The following BBS5 variants were observed in gnomAD, a reference collection of about 807,000 sequenced individuals.
BBS5 encodes the protein BBSome complex member BBS5.
BBS5 carries 39 observed loss-of-function variants against 50.2 expected under a neutral mutation model. That is an observed-to-expected ratio of 0.78 (90% CI 0.60 to 1.01). The LOEUF (loss-of-function observed/expected upper bound fraction) is 1.01, where lower values mean the gene tolerates loss of function less well. BBS5 is among the 50% of genes least tolerant of loss of function. BBS5 has a pLI of 0.00. For synonymous variants in BBS5, 134 were observed against 133.1 expected (o/e 1.01, Z -0.05); for missense variants, 356 against 401.5 (o/e 0.89, Z 0.97).
rs755594935 is a variant in BBS5 at position 169,503,165 on chromosome 2, C to T, written c.887C>T (p.Thr296Met). The change falls in exon 10 of 12, where the codon ACG (threonine) becomes ATG (methionine). Residue 296 changes from threonine (T) to methionine (M), a missense_variant. Physicochemically the swap from Thr to Met is moderately conservative, Grantham distance 81 (BLOSUM62 -1). Transcript: ENST00000295240. ...DDVEIDSDGH[T>M]DAFVAYFADG... ...GTAGAAATAGACTCTGATGGTCACA[C>T]GGATGCTTTTGTGGTGAGCATCACA... The T allele has an allele frequency of 6.2e-6, 10 of 1,612,526 alleles. No homozygotes were observed. The highest frequency in any genetic ancestry group is 5.5e-5 in the South Asian group (5 of 91,000).
At chr2:169,484,823 A>G (rs948302276) in intron 2 of BBS5, among the ~76,000 whole-genome samples, 3 of 152,214 alleles carry the variant, frequency 2.0e-5, no homozygotes, top group Non-Finnish European at 4.4e-5. Flanking sequence ...TATATTAAAT[A>G]GCTGTGTGAG....
At chr2:169,481,409 G>A (rs1008330867) in intron 1 of BBS5, among the ~76,000 whole-genome samples, 1 of 152,184 alleles carries the variant, frequency 6.6e-6, no homozygotes, top group Non-Finnish European at 1.5e-5. Flanking sequence ...TAAAGGCAGG[G>A]TCTGCTGCAG....
intron 1 of BBS5, among the ~76,000 whole-genome samples, 189 bp downstream of exon 1, chr2:169,479,801 C>T (rs1457602810): frequency 2.0e-5 from 3 of 152,220 alleles, no homozygotes; most frequent in Non-Finnish European, 4.4e-5. Flanking sequence ...TCGAGGCCGG[C>T]GCCGCGGCAA....
At chr2:169,491,314 T>C (rs1226760012) in intron 5 of BBS5, among the ~76,000 whole-genome samples, 1 of 152,226 alleles carries the variant, frequency 6.6e-6, no homozygotes, top group East Asian at 1.9e-4. Context: ...AAATAATTTA[T>C]AGCATAAATA....
intron 7 of BBS5, among the ~76,000 whole-genome samples, chr2:169,496,876 A>G (rs1683704305): frequency 6.6e-6 from 1 of 152,208 alleles, no homozygotes; most frequent in Admixed American, 6.5e-5. Context: ...CTCAAAAAAA[A>G]AAAACCTTAA....
At chr2:169,495,209 A>G (rs901333179) in intron 7 of BBS5, among the ~76,000 whole-genome samples, 5 of 152,232 alleles carry the variant, frequency 3.3e-5, no homozygotes, top group Non-Finnish European at 5.9e-5. Flanking sequence ...CAAAAGGAAT[A>G]TAAGAGTTTG....
Position 169,503,136 on chromosome 2 carries a change from T to A in BBS5, c.858T>A (p.Asp286Glu). The A allele has an allele frequency of 1.9e-6, 3 of 1,614,000 alleles. No homozygotes were observed. Among genetic ancestry groups the A allele is most frequent in the Non-Finnish European group, 2.5e-6 (3 of 1,179,924 alleles). The stretch of plus-strand genomic sequence containing the variant: ...CTCTGACAGTCGAACAAATTCAAGA[T>A]GATGTAGAAATAGACTCTGATGGTC... ...LEALTVEQIQ[D>E]DVEIDSDGHT... The change falls in exon 10 of 12, where the codon GAT becomes GAA. Residue 286 changes from aspartate (D) to glutamate (E), a missense_variant. Transcript: ENST00000295240.
chr2:169,484,151 G>A (rs1683449341), intron 2 of BBS5, among the ~76,000 whole-genome samples: 1 of 152,194 alleles, frequency 6.6e-6, no homozygotes, highest in Non-Finnish European at 1.5e-5. Flanking sequence ...GGGAGGCCAA[G>A]GTGGGAGGAC....
intron 6 of BBS5, 69 bp downstream of exon 6, chr2:169,493,078 G>C (rs1683630112): frequency 6.5e-7 from 1 of 1,529,034 alleles, no homozygotes; most frequent in Non-Finnish European, 9.0e-7. Flanking sequence ...TTCATCATTG[G>C]ATTTATATAG....
intron 7 of BBS5, among the ~76,000 whole-genome samples, chr2:169,494,168 T>C (rs1226756683): frequency 6.6e-6 from 1 of 152,178 alleles, no homozygotes; most frequent in Non-Finnish European, 1.5e-5. Flanking sequence ...TTTCTGTAAC[T>C]TTTTCATGAG....
At chr2:169,503,291 T>C in intron 10 of BBS5, 113 bp downstream of exon 10, 1 of 831,118 alleles carries the variant, frequency 1.2e-6, no homozygotes, top group Non-Finnish European at 2.0e-6. Context: ...GATGGTGTCT[T>C]AAACCTGAGT....
intron 8 of BBS5, among the ~76,000 whole-genome samples, chr2:169,498,429 C>T (rs1406448149): frequency 6.6e-6 from 1 of 152,198 alleles, no homozygotes; most frequent in Non-Finnish European, 1.5e-5. Context: ...AGTATTTACT[C>T]TGTTCCAAGA....
chr2:169,491,330 T>C (rs1200448468), intron 5 of BBS5, among the ~76,000 whole-genome samples: 1 of 152,230 alleles, frequency 6.6e-6, no homozygotes, highest in Admixed American at 6.5e-5. Flanking sequence ...AAATAGTTTC[T>C]ATTTCTTCCA....
chr2:169,480,369 C>A (rs2105290578), intron 1 of BBS5, among the ~76,000 whole-genome samples: 1 of 152,220 alleles, frequency 6.6e-6, no homozygotes, highest in South Asian at 2.1e-4. Flanking sequence ...AGCTAAGATT[C>A]CTGGATTAAT....
rs763705177 is a variant in BBS5 at position 169,499,618 on chromosome 2, A to C, written c.814A>C (p.Lys272Gln). 26 of 1,613,800 alleles carry C rather than the reference A, an allele frequency of 1.6e-5. No individual in the cohort carries two copies. Among genetic ancestry groups the C allele is most frequent in the Non-Finnish European group, 2.2e-5 (26 of 1,179,862 alleles). Residue 272 changes from lysine to glutamine, a missense_variant and splice_region_variant, in exon 9 of 12, where the codon AAG becomes CAG. By Grantham distance (53) the Lys-to-Gln change is moderately conservative. Coordinates refer to ENST00000295240, the MANE Select transcript of BBS5 (RefSeq NM_152384.3). Reference protein sequence around the residue: ...IFGVDYEMEEKPQPLEALTVE... With the variant: ...IFGVDYEMEEQPQPLEALTVE... Reference sequence around the variant, plus strand: ...TGGAGTTGATTATGAGATGGAAGAAAAGGTAATTTGTTGAGTATGTGAAAT... The same window carrying C: ...TGGAGTTGATTATGAGATGGAAGAACAGGTAATTTGTTGAGTATGTGAAAT...
In BBS5 at chr2:169,505,003, G is replaced by A; in HGVS notation, c.*421G>A. On this transcript the variant is annotated 3_prime_UTR_variant, in exon 12 of 12. Coordinates refer to ENST00000295240, the MANE Select transcript of BBS5 (RefSeq NM_152384.3). ...CTGATAAAGAACTTCTTCCCAAAATGGCCGAAGCTGGACTGTACTGCTGCC... is the reference window on the plus strand; with the variant it reads ...CTGATAAAGAACTTCTTCCCAAAATAGCCGAAGCTGGACTGTACTGCTGCC... 6.2e-7 allele frequency: 1 copy of A among 1,608,034 alleles called. No homozygotes were observed. The highest frequency in any genetic ancestry group is 8.5e-7 in the Non-Finnish European group (1 of 1,177,482).
Position 169,487,743 on chromosome 2 carries a change from G to T in BBS5, c.209-63G>T, listed in dbSNP as rs905961878. 7.4e-6 allele frequency: 9 copies of T among 1,221,596 alleles called. No homozygotes were observed. The African/African-American group carries it at 9.2e-5, about 12-fold the overall frequency. 75.7% of individuals were successfully genotyped at this position (1,221,596 alleles called of 1,614,324 possible). A position where few individuals can be genotyped will look rare whatever the true frequency, so the allele number is the denominator to read the frequency against. On this transcript the variant is annotated intron_variant, in intron 3 of 11. Transcript: ENST00000295240. ...AAGTTCTGTGTATACTTTTTTTTTA[G>T]AAAAGTATTTTTTCTCAGTGTACCA... is the stretch of plus-strand genomic sequence containing the variant.
At chr2:169,482,386 G>T (rs1683413301) in intron 2 of BBS5, 53 bp downstream of exon 2, 1 of 1,122,274 alleles carries the variant, frequency 8.9e-7, no homozygotes, top group African/African-American at 1.5e-5. Context: ...TACAAATGTT[G>T]AATCATATTA....
chr2:169,489,168 T>C (rs919012770), intron 5 of BBS5, among the ~76,000 whole-genome samples: 4 of 152,054 alleles, frequency 2.6e-5, no homozygotes, highest in African/African-American at 7.2e-5. Flanking sequence ...ATTTTTAAAA[T>C]GTTTTTGTAG....
Sources: allele counts gnomAD v4.1 joint callset (sites outside exome capture counted in the v4.1 genomes callset), GRCh38; gene constraint gnomAD v4.1.1; transcripts MANE v1.5; gene names NCBI Gene and HGNC (gene_info 2026-07-23, HGNC 2026-07-21).